Variants in FHIT observed in about 807,000 individuals in gnomAD.
The protein encoded by FHIT is bis(5'-adenosyl)-triphosphatase.
A neutral mutation model predicts 17.9 loss-of-function variants in FHIT; 19 were observed. The ratio of observed to expected loss-of-function variants is 1.06; its 90% CI spans 0.74 to 1.56. The LOEUF (loss-of-function observed/expected upper bound fraction) is 1.56, where lower values mean the gene tolerates loss of function less well. FHIT is among the 40% of genes most tolerant of loss of function. FHIT has a pLI of 0.00. For missense variants in FHIT, 248 were observed against 189.2 expected (o/e 1.31, Z -1.82); for synonymous variants, 81 against 69.7 (o/e 1.16, Z -0.81).
rs201542758 is a variant in FHIT, at chr3:60,368,192, TTTTA to T, written c.103+168664_103+168667del. On this transcript the variant is annotated intron_variant, in intron 5 of 9. Transcript: ENST00000492590. ...AACTGTAAAATCATAAAACATATCTTTTTAAAAAAAAAAAAAAAAAGAAACTGAG... is the reference window on the plus strand; with the variant it reads ...AACTGTAAAATCATAAAACATATCTTAAAAAAAAAAAAAAAAGAAACTGAG... 8.1e-3 allele frequency among the ~76,000 whole-genome samples: 843 copies of T among 104,140 alleles called. 21 individuals carry two copies. The South Asian group carries it at 0.12, about 15-fold the overall frequency. 68.3% of individuals were successfully genotyped at this position (104,140 alleles called of 152,430 possible).
intron 8 of FHIT, among the ~76,000 whole-genome samples, chr3:59,855,196 A>C (rs1702103405): frequency 2.6e-5 from 4 of 152,186 alleles, no homozygotes; most frequent in Admixed American, 2.0e-4. Context: ...TAATTATAAA[A>C]ATTTTCCTGA....
chr3:59,845,155 ATTAATT>A (rs1183978446), intron 8 of FHIT, among the ~76,000 whole-genome samples: 4 of 152,046 alleles, frequency 2.6e-5, no homozygotes, highest in South Asian at 2.1e-4. Flanking sequence ...TTCTGATTTT[ATTAATT>A]TTAGACTTCT....
chr3:60,123,255 A>G (rs1460175996), intron 5 of FHIT, among the ~76,000 whole-genome samples: 1 of 152,214 alleles, frequency 6.6e-6, no homozygotes, highest in Admixed American at 6.5e-5. Context: ...AATGAGAAGC[A>G]CATGAGATAA....
At chr3:60,422,990 A>G (rs985925720) in intron 5 of FHIT, among the ~76,000 whole-genome samples, 2 of 152,172 alleles carry the variant, frequency 1.3e-5, no homozygotes, top group African/African-American at 4.8e-5. Flanking sequence ...ATTTTTAAAA[A>G]TGTTATAATA....
chr3:60,108,001 G>C (rs76077380), intron 5 of FHIT, among the ~76,000 whole-genome samples: 1 of 152,302 alleles, frequency 6.6e-6, no homozygotes, highest in African/African-American at 2.4e-5. Flanking sequence ...AGGACATTCA[G>C]AGTGGACAAA....
chr3:60,631,297 G>A (rs1456000837), intron 4 of FHIT, among the ~76,000 whole-genome samples: 1 of 152,076 alleles, frequency 6.6e-6, no homozygotes, highest in Non-Finnish European at 1.5e-5. Flanking sequence ...GATTACATTT[G>A]TATGAAACTG....
chr3:60,895,674 CTTTCTTTCTTT>C (rs1705763283), intron 3 of FHIT, among the ~76,000 whole-genome samples: 1 of 27,508 alleles, frequency 3.6e-5, no homozygotes, highest in African/African-American at 9.6e-5. Context: ...TCCTTTCTTT[CTTTCTTTCTTT>C]CTTTCTTTCT....
At chr3:60,199,367 TA>T (rs1702794155) in intron 5 of FHIT, among the ~76,000 whole-genome samples, 1 of 152,182 alleles carries the variant, frequency 6.6e-6, no homozygotes, top group South Asian at 2.1e-4. Context: ...TGAGACAGGC[TA>T]AATTGAATTC....
At chr3:60,589,146 C>G (rs782776328) in intron 4 of FHIT, among the ~76,000 whole-genome samples, 10 of 151,958 alleles carry the variant, frequency 6.6e-5, no homozygotes, top group Non-Finnish European at 1.2e-4. Flanking sequence ...AATAGAGAAA[C>G]TATTTGAATG....
chr3:60,979,344 A>T (rs1338154347), intron 3 of FHIT, among the ~76,000 whole-genome samples: 1 of 152,192 alleles, frequency 6.6e-6, no homozygotes, highest in Non-Finnish European at 1.5e-5. Flanking sequence ...TAACCAGAGG[A>T]ATTAAAGAAA....
intron 5 of FHIT, among the ~76,000 whole-genome samples, chr3:60,221,231 G>A (rs1291150629): frequency 2.0e-5 from 3 of 152,054 alleles, no homozygotes; most frequent in Non-Finnish European, 4.4e-5. Flanking sequence ...AACTAACATG[G>A]CATATGTTAT....
chr3:60,326,903 C>A (rs777044109), intron 5 of FHIT, among the ~76,000 whole-genome samples: 6 of 152,046 alleles, frequency 3.9e-5, no homozygotes, highest in Non-Finnish European at 7.4e-5. Context: ...TCACAGTAAT[C>A]GAAAAATAAC....
chr3:60,350,996 T>A (rs762171450), intron 5 of FHIT, among the ~76,000 whole-genome samples: 2 of 152,128 alleles, frequency 1.3e-5, no homozygotes, highest in African/African-American at 2.4e-5. Flanking sequence ...CTGAGGGAGC[T>A]TGGAAGTAGA....
intron 2 of FHIT, among the ~76,000 whole-genome samples, chr3:61,187,649 C>T (rs1040862904): frequency 6.6e-6 from 1 of 152,228 alleles, no homozygotes; most frequent in African/African-American, 2.4e-5. Flanking sequence ...AACCACACCA[C>T]ACCTATTCCA....
intron 4 of FHIT, among the ~76,000 whole-genome samples, chr3:60,600,583 C>G (rs879956158): frequency 6.6e-6 from 1 of 152,122 alleles, no homozygotes; most frequent in Admixed American, 6.6e-5. Flanking sequence ...AACAAAGATT[C>G]TGATACGTCA....
intron 8 of FHIT, among the ~76,000 whole-genome samples, chr3:59,852,851 G>A (rs1270601306): frequency 1.3e-5 from 2 of 152,090 alleles, no homozygotes; most frequent in Non-Finnish European, 2.9e-5. Flanking sequence ...TTCATGGATT[G>A]ATAGCTAATT....
chr3:60,071,697 C>T (rs549580292), intron 5 of FHIT, among the ~76,000 whole-genome samples: 3 of 152,288 alleles, frequency 2.0e-5, no homozygotes, highest in Admixed American at 6.5e-5. Context: ...TGGGGCTCCC[C>T]GAAGCTGACT....
At chr3:60,415,619 C>G (rs955382371) in intron 5 of FHIT, among the ~76,000 whole-genome samples, 2 of 151,668 alleles carry the variant, frequency 1.3e-5, no homozygotes, top group African/African-American at 2.4e-5. Context: ...TAAGAGAATC[C>G]CTAACTTAAA....
At chr3:61,242,139 T>C (rs1303828050) in intron 1 of FHIT, among the ~76,000 whole-genome samples, 2 of 152,172 alleles carry the variant, frequency 1.3e-5, no homozygotes, top group African/African-American at 4.8e-5. Flanking sequence ...CAAATATAAC[T>C]GTATGCATTT....
Sources: allele counts gnomAD v4.1 joint callset (sites outside exome capture counted in the v4.1 genomes callset), GRCh38; gene constraint gnomAD v4.1.1; transcripts MANE v1.5; gene names NCBI Gene and HGNC (gene_info 2026-07-23, HGNC 2026-07-21).